HS3ST3B1: variants seen among roughly 807,000 people sequenced by gnomAD.
HS3ST3B1 encodes the protein heparan sulfate-glucosamine 3-sulfotransferase 3B1.
Under a neutral mutation model 21.3 loss-of-function variants are expected in HS3ST3B1, and 13 were observed. That is an observed-to-expected ratio of 0.61 (90% CI 0.40 to 0.97). The LOEUF (loss-of-function observed/expected upper bound fraction) is 0.97. Ranked by LOEUF, HS3ST3B1 falls within the 50% of genes least tolerant of loss-of-function variation. The pLI is 0.00. For synonymous variants in HS3ST3B1, 234 were observed against 254.8 expected (o/e 0.92, Z 0.78); for missense variants, 459 against 554.8 (o/e 0.83, Z 1.73).
At chr17:14,302,747 A>G (rs1019999200) in intron 1 of HS3ST3B1, among the ~76,000 whole-genome samples, 2 of 152,020 alleles carry the variant, frequency 1.3e-5, no homozygotes, top group African/African-American at 4.8e-5. Flanking sequence ...TGTCGGGCAA[A>G]GGCGCGCACT....
At chr17:14,322,771 C>G (rs932713024) in intron 1 of HS3ST3B1, among the ~76,000 whole-genome samples, 2 of 152,102 alleles carry the variant, frequency 1.3e-5, no homozygotes, top group Non-Finnish European at 2.9e-5. Context: ...GGCTTTTGAC[C>G]AGCAGAACAA....
At chr17:14,302,228 G>C (rs1223211499) in intron 1 of HS3ST3B1, among the ~76,000 whole-genome samples, 156 bp downstream of exon 1, 2 of 152,186 alleles carry the variant, frequency 1.3e-5, no homozygotes, top group African/African-American at 4.8e-5. Context: ...CATCCTGTCC[G>C]GGTGCGGTGA....
In HS3ST3B1 at chr17:14,346,819, C is replaced by T. The variant is rs11078241; in HGVS notation, c.*1173C>T. ...TCTGCTTTGACACACCAAAGAATCCCGTAGGCTAGCAGAGCCACCAGCACA... is the reference window on the plus strand; with the variant it reads ...TCTGCTTTGACACACCAAAGAATCCTGTAGGCTAGCAGAGCCACCAGCACA... On this transcript the variant is annotated 3_prime_UTR_variant, in exon 2 of 2. Coordinates refer to ENST00000360954, the MANE Select transcript of HS3ST3B1 (RefSeq NM_006041.3). The T allele has an allele frequency of 0.44, 67,538 of 152,106 alleles. 17,665 individuals are homozygous for T. Among genetic ancestry groups the T allele is most frequent in the Non-Finnish European group, 0.58 (39,111 of 68,000 alleles). 9.4% of individuals were successfully genotyped at this position (152,106 alleles called of 1,614,324 possible). A position where few individuals can be genotyped will look rare whatever the true frequency, so the allele number is the denominator to read the frequency against.
intron 1 of HS3ST3B1, among the ~76,000 whole-genome samples, chr17:14,311,111 G>T (rs1255492071): frequency 2.0e-5 from 3 of 150,644 alleles, no homozygotes; most frequent in African/African-American, 7.3e-5. Flanking sequence ...TTAAGACAGG[G>T]TCTTGCTCTG....
In HS3ST3B1 at chr17:14,301,188, A is replaced by G; in HGVS notation, c.-331A>G. ...GCGTGCGGCGGTGCGCACAGTCTAG[A>G]GTGGCCAGGGCGCGAGAGTGCAACG... On this transcript the variant is annotated 5_prime_UTR_variant, in exon 1 of 2. Coordinates refer to ENST00000360954, the MANE Select transcript of HS3ST3B1 (RefSeq NM_006041.3). The G allele has an allele frequency of 8.1e-6, 3 of 371,334 alleles. No individual in the cohort carries two copies. Among genetic ancestry groups the G allele is most frequent in the Non-Finnish European group, 1.5e-5 (3 of 206,826 alleles). 23.0% of individuals were successfully genotyped at this position (371,334 alleles called of 1,614,324 possible). A position where few individuals can be genotyped will look rare whatever the true frequency, so the allele number is the denominator to read the frequency against.
intron 1 of HS3ST3B1, among the ~76,000 whole-genome samples, chr17:14,314,143 C>G (rs750003040): frequency 4.6e-5 from 7 of 151,910 alleles, no homozygotes; most frequent in Non-Finnish European, 1.0e-4. Flanking sequence ...CCAGGCCCGG[C>G]TCATTTTGTA....
intron 1 of HS3ST3B1, chr17:14,304,166 G>C (rs1909049577): frequency 6.6e-6 from 1 of 152,158 alleles, no homozygotes; most frequent in African/African-American, 2.4e-5. Flanking sequence ...GGCTGGACCC[G>C]GGCGGCCGCA....
chr17:14,337,494 A>ATT (rs5819471), intron 1 of HS3ST3B1, among the ~76,000 whole-genome samples: 11,617 of 140,874 alleles, frequency 0.082, 612 homozygotes, highest in African/African-American at 0.15. Flanking sequence ...TGCCTGGCTA[A>ATT]TTTTTTTTTT....
intron 1 of HS3ST3B1, chr17:14,304,822 T>G (rs147856134): frequency 6.6e-6 from 1 of 152,274 alleles, no homozygotes; most frequent in African/African-American, 2.4e-5. Flanking sequence ...TTGAAGGCAT[T>G]AAGAACAAAA....
At chr17:14,322,630 T>C (rs895364249) in intron 1 of HS3ST3B1, among the ~76,000 whole-genome samples, 3 of 152,192 alleles carry the variant, frequency 2.0e-5, no homozygotes, top group African/African-American at 7.2e-5. Context: ...TGTGTATGTA[T>C]TGCAGGCAGA....
intron 1 of HS3ST3B1, among the ~76,000 whole-genome samples, chr17:14,307,801 G>C (rs1156429525): frequency 1.3e-5 from 2 of 152,190 alleles, no homozygotes; most frequent in Admixed American, 6.5e-5. Context: ...AGGGCATAAT[G>C]AGCATTTCTT....
chr17:14,339,522 C>T (rs1383715714), intron 1 of HS3ST3B1, among the ~76,000 whole-genome samples: 1 of 152,174 alleles, frequency 6.6e-6, no homozygotes, highest in Non-Finnish European at 1.5e-5. Context: ...GAGCTGACTA[C>T]AAGTCCCAAC....
At chr17:14,344,001 A>G (rs1490716050) in intron 1 of HS3ST3B1, among the ~76,000 whole-genome samples, 1 of 151,860 alleles carries the variant, frequency 6.6e-6, no homozygotes, top group Non-Finnish European at 1.5e-5. Flanking sequence ...GGTTCCAGCA[A>G]TTCTCCTGCC....
chr17:14,343,196 C>G (rs560729625), intron 1 of HS3ST3B1, among the ~76,000 whole-genome samples: 4 of 150,930 alleles, frequency 2.7e-5, no homozygotes, highest in Admixed American at 2.6e-4. Context: ...GAGCCGAGAT[C>G]GCACCACTGC....
rs1181987410 is a variant in HS3ST3B1, at chr17:14,345,336, C to G, written c.863C>G (p.Pro288Arg). 1.0e-5 allele frequency: 11 copies of G among 1,085,488 alleles called. 1 individual carries two copies. Among genetic ancestry groups the G allele is most frequent in the Admixed American group, 2.2e-5 (1 of 45,614 alleles). 67.2% of individuals were successfully genotyped at this position (1,085,488 alleles called of 1,614,324 possible). Residue 288 changes from proline to arginine, a missense_variant, in exon 2 of 2, where the codon CCC becomes CGC. Pro to Arg is a moderately radical substitution (Grantham distance 103). This residue lies in a region of HS3ST3B1 where 127 missense variants were observed against 209.9 expected (regional missense o/e 0.60). Coordinates refer to ENST00000360954, the MANE Select transcript of HS3ST3B1 (RefSeq NM_006041.3). ...CTGGAGCACTGGCTGCGCCACTTCC[C>G]CATCCGCCAGATGCTCTTCGTGAGC... ...KHLEHWLRHF[P>R]IRQMLFVSGE...
intron 1 of HS3ST3B1, among the ~76,000 whole-genome samples, chr17:14,336,782 T>C (rs1053531864): frequency 1.3e-5 from 2 of 152,226 alleles, no homozygotes; most frequent in African/African-American, 4.8e-5. Context: ...CTTACTTTCA[T>C]GGAATTTTTT....
intron 1 of HS3ST3B1, among the ~76,000 whole-genome samples, chr17:14,311,301 A>C (rs141120626): frequency 1.3e-5 from 2 of 150,646 alleles, no homozygotes; most frequent in Non-Finnish European, 3.0e-5. Context: ...CTGGTCTCAA[A>C]CTCCTGGGCT....
intron 1 of HS3ST3B1, among the ~76,000 whole-genome samples, chr17:14,331,695 C>G (rs1259019233): frequency 6.6e-6 from 1 of 152,172 alleles, no homozygotes; most frequent in African/African-American, 2.4e-5. Flanking sequence ...CCCCACGGAT[C>G]CTGCTGCGAA....
intron 1 of HS3ST3B1, among the ~76,000 whole-genome samples, chr17:14,330,206 G>A (rs770605941): frequency 3.9e-5 from 6 of 152,058 alleles, no homozygotes; most frequent in South Asian, 2.1e-4. Flanking sequence ...CTTGGGGTGC[G>A]TTTTGTACGT....
Sources: gnomAD v4.1 joint callset for allele counts (sites outside exome capture counted in the v4.1 genomes callset) on GRCh38, gnomAD v4.1.1 for gene constraint, gnomAD v4.1.1 regional missense constraint, MANE v1.5 for transcripts, NCBI Gene and HGNC (gene_info 2026-07-23, HGNC 2026-07-21) for gene names.